GALNT18: variants seen among roughly 807,000 people sequenced by gnomAD.
GALNT18 encodes the protein GalNAc-transferase 18.
GALNT18 carries 44 observed loss-of-function variants against 69.5 expected under a neutral mutation model. That is an observed-to-expected ratio of 0.63 (90% CI 0.50 to 0.81). The LOEUF (loss-of-function observed/expected upper bound fraction) is 0.81, where lower values mean the gene tolerates loss of function less well. Ranked by LOEUF, GALNT18 falls within the 40% of genes least tolerant of loss-of-function variation. The pLI, the probability that GALNT18 is intolerant of heterozygous loss-of-function variation, is 0.00. For missense variants in GALNT18, 715 were observed against 810.0 expected (o/e 0.88, Z 1.42); for synonymous variants, 364 against 318.2 (o/e 1.14, Z -1.53).
rs115686174 is a variant in GALNT18 at position 11,564,806 on chromosome 11, T to A, written c.235+56553A>T. ...CACACATGGCTATTTAAATTAAATA[T>A]GTTAATTACAATTAAATAAGTCAAA... On this transcript the variant is annotated intron_variant, in intron 1 of 10. Coordinates refer to ENST00000227756, the MANE Select transcript of GALNT18 (RefSeq NM_198516.3). The surrounding 1 kb of genome is among the most constrained non-coding windows in gnomAD (Gnocchi z 4.3). 5.7e-3 allele frequency among the ~76,000 whole-genome samples: 869 copies of A among 152,318 alleles called. 6 individuals carry two copies. Among genetic ancestry groups the A allele is most frequent in the African/African-American group, 0.02 (832 of 41,570 alleles).
chr11:11,301,730 CATTCA>C (rs1839913887), intron 9 of GALNT18, among the ~76,000 whole-genome samples: 1 of 152,178 alleles, frequency 6.6e-6, no homozygotes, highest in African/African-American at 2.4e-5. Context: ...GAGTCGATCC[CATTCA>C]ATTCAACAAA....
intron 10 of GALNT18, among the ~76,000 whole-genome samples, chr11:11,290,754 C>T (rs749755446): frequency 2.0e-5 from 3 of 152,154 alleles, no homozygotes; most frequent in Admixed American, 1.3e-4. Flanking sequence ...TGGTTCCATT[C>T]GTTCCATTCA....
chr11:11,315,974 A>G lies in GALNT18; in HGVS notation c.1512+11112T>C, dbSNP rs1849745137. ...AGTCCCCGCATCACTCTGTACTGAC[A>G]TGAATGGTGGCCCCTGGAACCGTGC... On this transcript the variant is annotated intron_variant, in intron 9 of 10. Transcript: ENST00000227756. The surrounding 1 kb of genome is among the most constrained non-coding windows in gnomAD (Gnocchi z 5.6). 1.3e-5 allele frequency among the ~76,000 whole-genome samples: 2 copies of G among 152,162 alleles called. No individual in the cohort carries two copies. The highest frequency in any genetic ancestry group is 6.5e-5 in the Admixed American group (1 of 15,274).
At position 11,620,813 on chromosome 11, in the gene GALNT18, C is replaced by A. The variant is rs1272691013; in HGVS notation, c.235+546G>T. ...CCTTGCATTCCCTATCGCCTACCAA[C>A]GGGATCACAGCAAGACTGGGGCTGG... On this transcript the variant is annotated intron_variant, in intron 1 of 10. Coordinates refer to ENST00000227756, the MANE Select transcript of GALNT18 (RefSeq NM_198516.3). The surrounding 1 kb of genome is among the most constrained non-coding windows in gnomAD (Gnocchi z 6.9). 6.6e-6 allele frequency among the ~76,000 whole-genome samples: 1 copy of A among 152,178 alleles called. No individual in the cohort carries two copies. Among genetic ancestry groups the A allele is most frequent in the Admixed American group, 6.5e-5 (1 of 15,288 alleles).
chr11:11,456,590 G>T (rs1440703493), intron 1 of GALNT18, among the ~76,000 whole-genome samples: 1 of 152,168 alleles, frequency 6.6e-6, no homozygotes, highest in Admixed American at 6.5e-5. Context: ...CCAAGATCCT[G>T]CTCTAGGCTG....
intron 1 of GALNT18, among the ~76,000 whole-genome samples, chr11:11,549,617 T>C (rs1003125138): frequency 2.0e-5 from 3 of 152,218 alleles, no homozygotes; most frequent in Non-Finnish European, 2.9e-5. Context: ...CAGTCTGATT[T>C]CCACTGGCTA....
Position 11,377,070 on chromosome 11 carries a change from C to A in GALNT18, c.977+112G>T. 5.1e-6 allele frequency: 5 copies of A among 988,436 alleles called. No homozygotes were observed. The highest frequency in any genetic ancestry group is 7.7e-6 in the Non-Finnish European group (5 of 646,674). 61.2% of individuals were successfully genotyped at this position (988,436 alleles called of 1,614,324 possible). ...CTGCAGTTCCTTTCGACCCTGCCCA[C>A]CCCTGTCATCCCCACGATGGGGCTC... On this transcript the variant is annotated intron_variant, in intron 5 of 10. Coordinates refer to ENST00000227756, the MANE Select transcript of GALNT18 (RefSeq NM_198516.3). This position sits in a 1 kb window ranked among gnomAD's most constrained non-coding sequence, Gnocchi z 4.6.
At chr11:11,376,082 A>C (rs1340654049) in intron 5 of GALNT18, among the ~76,000 whole-genome samples, 1 of 152,196 alleles carries the variant, frequency 6.6e-6, no homozygotes, top group Non-Finnish European at 1.5e-5. Context: ...CCACCGTATC[A>C]TCAATATAGA....
At chr11:11,443,113 G>A (rs182559039) in intron 2 of GALNT18, among the ~76,000 whole-genome samples, 2 of 152,304 alleles carry the variant, frequency 1.3e-5, no homozygotes, top group East Asian at 3.9e-4. Flanking sequence ...AGAAAAGAAT[G>A]TGACATGAGT....
chr11:11,360,091 C>T (rs1026078617), intron 6 of GALNT18, among the ~76,000 whole-genome samples: 7 of 152,076 alleles, frequency 4.6e-5, no homozygotes, highest in African/African-American at 9.7e-5. Flanking sequence ...CTTACTCCAC[C>T]GTACAACAAT....
In GALNT18 at chr11:11,271,043, C is replaced by G. The variant is rs571349445; in HGVS notation, c.*101G>C. The G allele has an allele frequency of 2.9e-4, 328 of 1,113,886 alleles. 1 individual carries two copies. The African/African-American group carries it at 4.7e-3, about 16-fold the overall frequency. The allele number at this position is 1,113,886 out of a possible 1,614,324, so 69.0% of individuals were successfully genotyped here. Reference sequence around the variant, plus strand: ...AAAGCTCTTCTTGGGGGCCCACTAACCTGGTTCCCCAGACTCCAAACAACC... The same window carrying G: ...AAAGCTCTTCTTGGGGGCCCACTAAGCTGGTTCCCCAGACTCCAAACAACC... On this transcript the variant is annotated 3_prime_UTR_variant, in exon 11 of 11. Transcript: ENST00000227756.
intron 1 of GALNT18, among the ~76,000 whole-genome samples, chr11:11,556,361 T>A (rs886644518): frequency 6.6e-6 from 1 of 152,174 alleles, no homozygotes; most frequent in African/African-American, 2.4e-5. Flanking sequence ...TAGCGTGAAG[T>A]GCCACGTCTA....
At chr11:11,466,004 C>T (rs1856148634) in intron 1 of GALNT18, among the ~76,000 whole-genome samples, 1 of 152,202 alleles carries the variant, frequency 6.6e-6, no homozygotes, top group Non-Finnish European at 1.5e-5. Flanking sequence ...ACCAGTGCTT[C>T]TCAGCTCTTC....
chr11:11,324,404 T>A (rs1440943678), intron 9 of GALNT18, among the ~76,000 whole-genome samples: 2 of 152,180 alleles, frequency 1.3e-5, no homozygotes, highest in African/African-American at 4.8e-5. Context: ...ATAGTCCAAG[T>A]GTCCATCAGC....
chr11:11,353,503 G>A, intron 6 of GALNT18: 1 of 295,702 alleles, frequency 3.4e-6, no homozygotes, highest in Non-Finnish European at 6.2e-6. Context: ...CACATCTCCT[G>A]GACCATGTTT....
rs1856489264 is a variant in GALNT18, at chr11:11,480,027, G to C, written c.236-31091C>G. ...TACCCCAAGCCCCACCAGGAGGCTAGAGAAGAGAGATGGGAGAGTTTGTAG... is the reference window on the plus strand; with the variant it reads ...TACCCCAAGCCCCACCAGGAGGCTACAGAAGAGAGATGGGAGAGTTTGTAG... On this transcript the variant is annotated intron_variant, in intron 1 of 10. Coordinates refer to ENST00000227756, the MANE Select transcript of GALNT18 (RefSeq NM_198516.3). This position sits in a 1 kb window ranked among gnomAD's most constrained non-coding sequence, Gnocchi z 4.6. 6.6e-6 allele frequency among the ~76,000 whole-genome samples: 1 copy of C among 152,174 alleles called. No individual in the cohort carries two copies.
intron 1 of GALNT18, among the ~76,000 whole-genome samples, chr11:11,492,625 T>C (rs1856795944): frequency 1.3e-5 from 2 of 152,058 alleles, no homozygotes; most frequent in African/African-American, 4.8e-5. Flanking sequence ...GAAACCATCA[T>C]TGTCAGCAAA....
At chr11:11,280,752 G>A (rs1849056033) in intron 10 of GALNT18, among the ~76,000 whole-genome samples, 1 of 152,150 alleles carries the variant, frequency 6.6e-6, no homozygotes, top group African/African-American at 2.4e-5. Context: ...CTGGACAAGA[G>A]GCCCCTTCAA....
chr11:11,379,485 T>A (rs1468294515), intron 3 of GALNT18, among the ~76,000 whole-genome samples: 1 of 152,156 alleles, frequency 6.6e-6, no homozygotes, highest in African/African-American at 2.4e-5. Flanking sequence ...TTTTCTGAGG[T>A]CCAGCAATGC....
Sources: gnomAD v4.1 joint callset for allele counts (sites outside exome capture counted in the v4.1 genomes callset) on GRCh38, gnomAD v4.1.1 for gene constraint, Gnocchi (gnomAD v3.1) non-coding constraint, MANE v1.5 for transcripts, NCBI Gene and HGNC (gene_info 2026-07-23, HGNC 2026-07-21) for gene names.